Variants in GFRA2 observed in about 807,000 individuals in gnomAD.
The protein encoded by GFRA2 is GDNF family receptor alpha 2.
In GFRA2, 17 loss-of-function variants were observed where a neutral mutation model predicts 48.3. The ratio of observed to expected loss-of-function variants is 0.35; its 90% CI spans 0.24 to 0.53. GFRA2 has a LOEUF of 0.53. Among genes scored for constraint, GFRA2 ranks in the 20% least tolerant of loss-of-function variants. The pLI, the probability that GFRA2 is intolerant of heterozygous loss-of-function variation, is 0.93. For missense variants in GFRA2, 660 were observed against 637.3 expected (o/e 1.04, Z -0.38); for synonymous variants, 305 against 257.2 (o/e 1.19, Z -1.78).
chr8:21,795,703 A>G (rs1428589141), intron 2 of GFRA2, among the ~76,000 whole-genome samples: 1 of 152,172 alleles, frequency 6.6e-6, no homozygotes, highest in African/African-American at 2.4e-5. Context: ...TCAGGGAACA[A>G]ACTCACTCTT....
intron 2 of GFRA2, among the ~76,000 whole-genome samples, chr8:21,799,339 T>A (rs919714751): frequency 3.3e-5 from 5 of 151,914 alleles, no homozygotes; most frequent in Non-Finnish European, 5.9e-5. Flanking sequence ...TGTCTCAGCC[T>A]CCTGAGTAGC....
rs541887072 is a variant in GFRA2 at position 21,695,070 on chromosome 8, A to C, written c.1219-553T>G. ...GCATGATTGATTAGTGATGTCTGCC[A>C]CTGGTCCATTAGGTGGATATCTGGC... is the stretch of plus-strand genomic sequence containing the variant. On this transcript the variant is annotated intron_variant, in intron 7 of 8. Coordinates refer to ENST00000524240, the MANE Select transcript of GFRA2 (RefSeq NM_001495.5). Among the ~76,000 whole-genome samples the C allele has an allele frequency of 9.8e-5, 15 of 152,328 alleles. No homozygotes were observed. The South Asian group carries it at 3.1e-3, about 32-fold the overall frequency.
rs560924116 is a variant in GFRA2 at position 21,720,320 on chromosome 8, G to C, written c.795-14279C>G. ...CTGGGTTCAAGCCCCAGCTCTGCCA[G>C]TCACAAAGGGTATAGCCTAGGCCAA... On this transcript the variant is annotated intron_variant, in intron 4 of 8. Coordinates refer to ENST00000524240, the MANE Select transcript of GFRA2 (RefSeq NM_001495.5). 3.0e-4 allele frequency among the ~76,000 whole-genome samples: 46 copies of C among 152,310 alleles called. No homozygotes were observed. In the South Asian group the frequency reaches 8.9e-3, roughly 29 times the overall value.
At chr8:21,742,854 C>T (rs1204155064) in intron 4 of GFRA2, among the ~76,000 whole-genome samples, 2 of 152,204 alleles carry the variant, frequency 1.3e-5, no homozygotes, top group African/African-American at 4.8e-5. Flanking sequence ...ATCTCATCCA[C>T]CTGGGGTGTG....
intron 4 of GFRA2, among the ~76,000 whole-genome samples, chr8:21,719,433 T>C (rs552251764): frequency 1.3e-5 from 2 of 149,710 alleles, no homozygotes; most frequent in South Asian, 4.2e-4. Context: ...CCAAACCTCT[T>C]ATTACTCGGC....
chr8:21,798,687 C>A (rs1045382232), intron 2 of GFRA2, among the ~76,000 whole-genome samples: 5 of 152,236 alleles, frequency 3.3e-5, no homozygotes, highest in African/African-American at 1.2e-4. Context: ...CTTTTCCAGG[C>A]AGCCCACATC....
chr8:21,783,500 G>A (rs756281207), intron 1 of GFRA2, among the ~76,000 whole-genome samples: 379 of 152,200 alleles, frequency 2.5e-3, no homozygotes, highest in Non-Finnish European at 4.5e-3. Context: ...CACACATAGC[G>A]GTGGAAACAC....
At chr8:21,799,455 C>T (rs749220429) in intron 2 of GFRA2, among the ~76,000 whole-genome samples, 14 of 152,108 alleles carry the variant, frequency 9.2e-5, no homozygotes, top group Admixed American at 9.2e-4. Context: ...GTTGGCCTAC[C>T]AAAGTGCTGG....
In GFRA2 at chr8:21,770,087, C is replaced by T. The variant is rs1284396540; in HGVS notation, c.439+4885G>A. ...CTGTCACAGCATAGTACATGATGGC[C>T]GTCCCCACCCAAGACTCCCTCTGAG... is the stretch of plus-strand genomic sequence containing the variant. On this transcript the variant is annotated intron_variant, in intron 3 of 8. Transcript: ENST00000524240. Among the ~76,000 whole-genome samples, 10 of 152,330 alleles carry T rather than the reference C, an allele frequency of 6.6e-5. No individual in the cohort carries two copies. In the South Asian group the frequency reaches 1.2e-3, roughly 19 times the overall value.
rs1801856779 is a variant in GFRA2 at position 21,690,870 on chromosome 8, C to T, written c.*2408G>A. On this transcript the variant is annotated 3_prime_UTR_variant, in exon 9 of 9. Coordinates refer to ENST00000524240, the MANE Select transcript of GFRA2 (RefSeq NM_001495.5). Reference sequence around the variant, plus strand: ...TTCCGTGAGCCACCTTCTCCCATAGCCTTCCAGTAAAGTACTTTTTAAGTT... The same window carrying T: ...TTCCGTGAGCCACCTTCTCCCATAGTCTTCCAGTAAAGTACTTTTTAAGTT... 1 of 152,362 alleles carries T rather than the reference C, an allele frequency of 6.6e-6. No individual in the cohort carries two copies. The highest frequency in any genetic ancestry group is 6.5e-5 in the Admixed American group (1 of 15,282). The allele number at this position is 152,362 out of a possible 1,614,324, so 9.4% of individuals were successfully genotyped here.
At chr8:21,703,061 G>C in intron 6 of GFRA2, 84 bp from the exon 7 acceptor site, 1 of 822,034 alleles carries the variant, frequency 1.2e-6, no homozygotes, top group Non-Finnish European at 1.8e-6. Context: ...TCTTCACCCT[G>C]ACCACCCCCT....
intron 3 of GFRA2, among the ~76,000 whole-genome samples, chr8:21,768,519 T>G (rs1319461422): frequency 6.6e-6 from 1 of 152,110 alleles, no homozygotes; most frequent in Non-Finnish European, 1.5e-5. Context: ...ATTCTTTTGC[T>G]CAGCAGCCCA....
chr8:21,716,443 C>T (rs1200437709), intron 4 of GFRA2, among the ~76,000 whole-genome samples: 5 of 152,082 alleles, frequency 3.3e-5, no homozygotes, highest in Non-Finnish European at 7.3e-5. Context: ...AAAAACAAAA[C>T]CCACAAAGGA....
In GFRA2 at chr8:21,711,826, C is replaced by A. The variant is rs567140719; in HGVS notation, c.795-5785G>T. 8.5e-5 allele frequency among the ~76,000 whole-genome samples: 13 copies of A among 152,094 alleles called. No individual in the cohort carries two copies. In the South Asian group the frequency reaches 2.5e-3, roughly 29 times the overall value. On this transcript the variant is annotated intron_variant, in intron 4 of 8. Transcript: ENST00000524240. ...TGGTTTTCCTAGGCAGAGGACCCTGCGGCCTTCCGCAGTGTTTGTGTCCCT... is the reference window on the plus strand; with the variant it reads ...TGGTTTTCCTAGGCAGAGGACCCTGAGGCCTTCCGCAGTGTTTGTGTCCCT...
chr8:21,790,750 G>A (rs990092625), upstream of GFRA2, among the ~76,000 whole-genome samples: 13 of 152,324 alleles, frequency 8.5e-5, no homozygotes, highest in Non-Finnish European at 1.8e-4. Context: ...CTTCAGGCCT[G>A]CCCTCCCTGT....
chr8:21,789,245 G>T (rs1363287166), upstream of GFRA2: 1 of 153,514 alleles, frequency 6.5e-6, no homozygotes, highest in Non-Finnish European at 1.5e-5. Flanking sequence ...TGGCTCCCCC[G>T]GCTACGGCTC....
chr8:21,772,082 C>T (rs374461297), intron 3 of GFRA2, among the ~76,000 whole-genome samples: 119 of 152,206 alleles, frequency 7.8e-4, no homozygotes, highest in Non-Finnish European at 1.3e-3. Flanking sequence ...CTCACCCTGC[C>T]GCATCACCAT....
At chr8:21,752,494 G>C (rs1805342606) in intron 3 of GFRA2, among the ~76,000 whole-genome samples, 2 of 151,918 alleles carry the variant, frequency 1.3e-5, no homozygotes, top group Admixed American at 1.3e-4. Flanking sequence ...TGCTTTGCTG[G>C]TCCCGTCTTC....
At position 21,690,902 on chromosome 8, in the gene GFRA2, T is replaced by G. The variant is rs889779532; in HGVS notation, c.*2376A>C. ...GTAAAGTACTTTTTAAGTTAAATGG[T>G]CTTTGCTGTTTGCAAAGAACACGGA... is the stretch of plus-strand genomic sequence containing the variant. On this transcript the variant is annotated 3_prime_UTR_variant, in exon 9 of 9. Transcript: ENST00000524240. 5 of 152,168 alleles carry G rather than the reference T, an allele frequency of 3.3e-5. No individual in the cohort carries two copies. Among genetic ancestry groups the G allele is most frequent in the African/African-American group, 1.2e-4 (5 of 41,408 alleles). The allele number at this position is 152,168 out of a possible 1,614,324, so 9.4% of individuals were successfully genotyped here.
Sources: gnomAD v4.1 joint callset for allele counts (sites outside exome capture counted in the v4.1 genomes callset) on GRCh38, gnomAD v4.1.1 for gene constraint, MANE v1.5 for transcripts, NCBI Gene and HGNC (gene_info 2026-07-23, HGNC 2026-07-21) for gene names.